Variants in DPP6 observed in about 807,000 individuals in gnomAD.
DPP6 encodes the protein dipeptidyl peptidase like 6.
A neutral mutation model predicts 122.6 loss-of-function variants in DPP6; 69 were observed. The observed-to-expected ratio is 0.56, with a 90% CI of 0.46 to 0.69. The LOEUF (loss-of-function observed/expected upper bound fraction) is 0.69. DPP6 is among the 30% of genes least tolerant of loss of function. DPP6 has a pLI of 0.00. For missense variants in DPP6, 928 were observed against 1,116.9 expected, an observed-to-expected ratio of 0.83 and a Z score of 2.41; for synonymous variants, 418 against 433.1, an observed-to-expected ratio of 0.97 and a Z score of 0.43.
chr7:154,854,637 A>G (rs915853454), intron 17 of DPP6, among the ~76,000 whole-genome samples: 1 of 152,194 alleles, frequency 6.6e-6, no homozygotes, highest in African/African-American at 2.4e-5. Flanking sequence ...GGTCAAGAAG[A>G]GGACTCAGAG....
At chr7:153,904,271 C>T (rs563792912) in intron 1 of DPP6, among the ~76,000 whole-genome samples, 2 of 152,260 alleles carry the variant, frequency 1.3e-5, no homozygotes, top group Admixed American at 1.3e-4. Flanking sequence ...AGGCTGGTCT[C>T]GAACTCCTGA....
At chr7:154,134,602 T>A (rs530153106) in intron 1 of DPP6, among the ~76,000 whole-genome samples, 1 of 152,288 alleles carries the variant, frequency 6.6e-6, no homozygotes, top group Admixed American at 6.5e-5. Context: ...TCTAATTTTC[T>A]TCCTCAAGAA....
At chr7:154,214,272 C>A (rs1270281568) in intron 1 of DPP6, among the ~76,000 whole-genome samples, 1 of 152,238 alleles carries the variant, frequency 6.6e-6, no homozygotes, top group African/African-American at 2.4e-5. Flanking sequence ...AAGCCAGGAT[C>A]TATTTTACAT....
the DPP6 span, among the ~76,000 whole-genome samples, chr7:153,821,969 CA>C: frequency 9.9e-5 from 15 of 152,256 alleles, no homozygotes; most frequent in African/African-American, 2.9e-4. Flanking sequence ...CAAGCCTCTC[CA>C]GGGGAGCCCT....
At chr7:154,082,138 G>A (rs1804060590) in intron 1 of DPP6, among the ~76,000 whole-genome samples, 1 of 152,146 alleles carries the variant, frequency 6.6e-6, no homozygotes, top group Admixed American at 6.6e-5. Context: ...GTGCTCAAGG[G>A]TTGGAGCCAG....
chr7:154,443,257 C>T (rs1309024496), intron 1 of DPP6, among the ~76,000 whole-genome samples: 3 of 152,140 alleles, frequency 2.0e-5, no homozygotes, highest in Admixed American at 1.3e-4. Flanking sequence ...AAACAGCTCC[C>T]AGAGCTCCAT....
chr7:154,844,617 T>C (rs1323608326), intron 16 of DPP6, among the ~76,000 whole-genome samples: 1 of 152,230 alleles, frequency 6.6e-6, no homozygotes, highest in Middle Eastern at 3.2e-3. Flanking sequence ...GTGGTGGTCC[T>C]ACAGTTCACA....
rs902924233 is a variant in DPP6 at position 154,875,424 on chromosome 7, G to A, written c.1884-482G>A. On this transcript the variant is annotated intron_variant, in intron 19 of 25. Transcript: ENST00000377770. This position sits in a 1 kb window ranked among gnomAD's most constrained non-coding sequence, Gnocchi z 4.5. ...AGGCCACCCATATGGCGGGTTTGCTGTTACTTCCGACTTAACAAGAGACAG... is the reference window on the plus strand; with the variant it reads ...AGGCCACCCATATGGCGGGTTTGCTATTACTTCCGACTTAACAAGAGACAG... Among the ~76,000 whole-genome samples, 3 of 152,218 alleles carry A rather than the reference G, an allele frequency of 2.0e-5. No individual in the cohort carries two copies. The East Asian group carries it at 5.8e-4, about 29-fold the overall frequency.
intron 13 of DPP6, among the ~76,000 whole-genome samples, chr7:154,803,357 A>G (rs1748331434): frequency 1.3e-5 from 2 of 152,146 alleles, no homozygotes; most frequent in South Asian, 4.1e-4. Flanking sequence ...AATGCGTGCA[A>G]AACTTGTAGT....
intron 10 of DPP6, among the ~76,000 whole-genome samples, chr7:154,787,759 G>A (rs1203296511): frequency 6.6e-6 from 1 of 152,162 alleles, no homozygotes; most frequent in Admixed American, 6.5e-5. Flanking sequence ...CTGCCATTAT[G>A]AAGGTTAAAT....
intron 7 of DPP6, among the ~76,000 whole-genome samples, chr7:154,718,542 T>A (rs912524098): frequency 6.6e-6 from 1 of 151,854 alleles, no homozygotes; most frequent in African/African-American, 2.4e-5. Flanking sequence ...GTCTCTATTC[T>A]ACTCCCACAC....
At chr7:153,947,014 G>T (rs1440415455) in intron 1 of DPP6, among the ~76,000 whole-genome samples, 5 of 152,124 alleles carry the variant, frequency 3.3e-5, no homozygotes. Flanking sequence ...TGCTGACGGT[G>T]TGATATTCCT....
At chr7:154,626,522 C>A (rs1418536900) in intron 5 of DPP6, among the ~76,000 whole-genome samples, 1 of 152,128 alleles carries the variant, frequency 6.6e-6, no homozygotes, top group Non-Finnish European at 1.5e-5. Flanking sequence ...CTATCAATGA[C>A]CTGAACAACT....
At chr7:154,251,977 A>T (rs1802376251) in intron 1 of DPP6, among the ~76,000 whole-genome samples, 1 of 152,230 alleles carries the variant, frequency 6.6e-6, no homozygotes, top group African/African-American at 2.4e-5. Context: ...AATATTAATC[A>T]TTTACAGATG....
intron 7 of DPP6, among the ~76,000 whole-genome samples, chr7:154,669,852 T>TTG (rs368221349): frequency 6.6e-6 from 1 of 151,294 alleles, no homozygotes; most frequent in Non-Finnish European, 1.5e-5. Context: ...GGTTTTTTTT[T>TTG]GTTTTTTGTT....
At chr7:153,794,339 A>AC in the DPP6 span, among the ~76,000 whole-genome samples, 7 of 152,196 alleles carry the variant, frequency 4.6e-5, no homozygotes, top group Non-Finnish European at 1.0e-4. Context: ...TGGATGTGAG[A>AC]CAGGGAGTCA....
intron 1 of DPP6, among the ~76,000 whole-genome samples, chr7:154,207,179 A>G (rs537576343): frequency 1.1e-4 from 17 of 152,312 alleles, no homozygotes; most frequent in Admixed American, 4.6e-4. Flanking sequence ...AGTTCTAATG[A>G]CTGTCTGGTG....
In DPP6 at chr7:154,060,426, C is replaced by T. The variant is rs562190444; in HGVS notation, c.243+7363C>T. On this transcript the variant is annotated intron_variant, in intron 1 of 25. Coordinates refer to ENST00000377770, the MANE Select transcript of DPP6 (RefSeq NM_130797.4). Reference sequence around the variant, plus strand: ...CATCGCAGAGGGGGGAGGCACCCCCCGCGAGGCGGGGACTGCGAGCCAGAC... The same window carrying T: ...CATCGCAGAGGGGGGAGGCACCCCCTGCGAGGCGGGGACTGCGAGCCAGAC... Among the ~76,000 whole-genome samples, 11 of 136,750 alleles carry T rather than the reference C, an allele frequency of 8.0e-5. 1 individual carries two copies. The highest frequency in any genetic ancestry group is 2.4e-4 in the South Asian group (1 of 4,226). 89.7% of individuals were successfully genotyped at this position (136,750 alleles called of 152,430 possible). A position where few individuals can be genotyped will look rare whatever the true frequency, so the allele number is the denominator to read the frequency against.
the DPP6 span, among the ~76,000 whole-genome samples, chr7:153,767,114 TC>T: frequency 3.3e-5 from 4 of 122,082 alleles, no homozygotes; most frequent in Admixed American, 7.8e-5. Context: ...AAGAAGGAAG[TC>T]AGGGGTGAAA....
Sources: gnomAD v4.1 joint callset for allele counts (sites outside exome capture counted in the v4.1 genomes callset) on GRCh38, gnomAD v4.1.1 for gene constraint, Gnocchi (gnomAD v3.1) non-coding constraint, MANE v1.5 for transcripts, NCBI Gene and HGNC (gene_info 2026-07-23, HGNC 2026-07-21) for gene names.